Variants in DNAH5 observed in about 807,000 individuals in gnomAD.
DNAH5 encodes axonemal beta dynein heavy chain 5.
DNAH5 carries 372 observed loss-of-function variants against 518.2 expected under a neutral mutation model. The observed-to-expected ratio is 0.72, with a 90% CI of 0.66 to 0.78. DNAH5 has a LOEUF of 0.78. Among genes scored for constraint, DNAH5 ranks in the 30% least tolerant of loss-of-function variants. The pLI is 0.00. For missense variants in DNAH5, 5,523 were observed against 5,687.0 expected (o/e 0.97, Z 0.93); for synonymous variants, 2,039 against 2,025.9 (o/e 1.01, Z -0.17).
At chr5:13,805,216 T>C (rs1759396191) in intron 47 of DNAH5, among the ~76,000 whole-genome samples, 1 of 152,158 alleles carries the variant, frequency 6.6e-6, no homozygotes, top group Non-Finnish European at 1.5e-5. Context: ...CTTAAAGATC[T>C]TGGCTGGGCA....
At chr5:13,923,837 A>C (rs376590048) in intron 3 of DNAH5, among the ~76,000 whole-genome samples, 4 of 152,230 alleles carry the variant, frequency 2.6e-5, no homozygotes, top group South Asian at 2.1e-4. Flanking sequence ...TGAGGTCAGG[A>C]GTTCGAGACC....
chr5:13,926,120 G>A (rs1241418835), intron 3 of DNAH5, among the ~76,000 whole-genome samples: 1 of 152,196 alleles, frequency 6.6e-6, no homozygotes, highest in Non-Finnish European at 1.5e-5. Flanking sequence ...GGAGGGCAGG[G>A]ACCTAGGAAC....
At chr5:13,995,342 T>C (rs2152077911) in intron 1 of DNAH5, among the ~76,000 whole-genome samples, 1 of 152,274 alleles carries the variant, frequency 6.6e-6, no homozygotes, top group African/African-American at 2.4e-5. Context: ...GCAAAGTTAA[T>C]CTTTAGCTCT....
chr5:13,850,939 G>T, intron 30 of DNAH5, 124 bp from the exon 31 acceptor site: 9 of 914,576 alleles, frequency 9.8e-6, no homozygotes, highest in South Asian at 9.2e-5. Flanking sequence ...AGCAATATAT[G>T]CCTAATGTCA....
At chr5:13,993,424 C>T (rs1176496459) in intron 1 of DNAH5, among the ~76,000 whole-genome samples, 1 of 152,028 alleles carries the variant, frequency 6.6e-6, no homozygotes. Context: ...GACCCAATAC[C>T]CAAAGATTCT....
rs142155986 is a variant in DNAH5, at chr5:13,841,763, G to A, written c.5413C>T (p.Arg1805Cys). ...TCTTGAATATTTGCGGCTGCCTGGC[G>A]AATCACAAGATGCAATGAGGACTGA... Reference protein sequence around the residue: ...ESQSSLHLVIRQAAANIQETG... With the variant: ...ESQSSLHLVICQAAANIQETG... Residue 1805 changes from arginine to cysteine, a missense_variant, in exon 33 of 79, where the codon CGC becomes TGC. By Grantham distance (180) the Arg-to-Cys change is radical. Coordinates refer to ENST00000265104, the MANE Select transcript of DNAH5 (RefSeq NM_001369.3). 265 of 1,613,878 alleles carry A rather than the reference G, an allele frequency of 1.6e-4. No homozygotes were observed. The Middle Eastern group carries it at 1.6e-3, about 10-fold the overall frequency.
rs1774630422 is a variant in DNAH5, at chr5:13,901,554, C to T, written c.1750G>A (p.Gly584Ser). 2.5e-6 allele frequency: 4 copies of T among 1,611,854 alleles called. No homozygotes were observed. The East Asian group carries it at 8.9e-5, about 36-fold the overall frequency. ...ATAAGTTGATATTTGTCATCAATAC[C>T]AAGATTAGGTATATTCAATCTGATT... Reference protein sequence around the residue: ...KFERLNIPNLGIDDKYQLILE... With the variant: ...KFERLNIPNLSIDDKYQLILE... The change falls in exon 14 of 79, where the codon GGT becomes AGT. Residue 584 changes from glycine to serine, a missense_variant. Gly to Ser is a moderately conservative substitution (Grantham distance 56). This residue lies in a region of DNAH5 where 5,121 missense variants were observed against 5,223.3 expected (regional missense o/e 0.98). Coordinates refer to ENST00000265104, the MANE Select transcript of DNAH5 (RefSeq NM_001369.3).
chr5:13,930,429 A>T (rs950336351), intron 2 of DNAH5, among the ~76,000 whole-genome samples: 3 of 152,184 alleles, frequency 2.0e-5, no homozygotes, highest in African/African-American at 4.8e-5. Context: ...ACTGAAAAGA[A>T]TTCCCAACGG....
chr5:13,789,465 T>TAGCAAGAATAACAAATGTATGTA (rs1282923858), intron 50 of DNAH5, among the ~76,000 whole-genome samples: 1 of 152,222 alleles, frequency 6.6e-6, no homozygotes, highest in African/African-American at 2.4e-5. Flanking sequence ...CCTGTTTATA[T>TAGCAAGAATAACAAATGTATGTA]AGCAAGAATA....
At chr5:13,964,479 G>T (rs11133773) in intron 1 of DNAH5, among the ~76,000 whole-genome samples, 1 of 152,022 alleles carries the variant, frequency 6.6e-6, no homozygotes, top group Non-Finnish European at 1.5e-5. Flanking sequence ...AAACTAGATG[G>T]GAACCAAGAG....
chr5:13,760,853 T>C (rs1751671875), intron 60 of DNAH5, among the ~76,000 whole-genome samples: 1 of 152,202 alleles, frequency 6.6e-6, no homozygotes, highest in South Asian at 2.1e-4. Flanking sequence ...AATTTCTTAA[T>C]ATATTCAACA....
At chr5:13,727,754 TATGTGTAA>T in intron 69 of DNAH5, 98 bp from the exon 70 acceptor site, 1 of 1,291,380 alleles carries the variant, frequency 7.7e-7, no homozygotes, top group Non-Finnish European at 1.1e-6. Context: ...CCTCTCCAGA[TATGTGTAA>T]ATTATATTCC....
upstream of DNAH5, among the ~76,000 whole-genome samples, chr5:13,947,060 C>A (rs1779984791): frequency 6.6e-6 from 1 of 152,134 alleles, no homozygotes; most frequent in Non-Finnish European, 1.5e-5. Flanking sequence ...GAAAAATGTA[C>A]ATTTCATAAT....
In DNAH5 at chr5:13,882,973, G is replaced by C; in HGVS notation, c.3105C>G (p.Asn1035Lys). The change falls in exon 20 of 79, where the codon AAC becomes AAG. Residue 1035 changes from asparagine to lysine, a missense_variant. By Grantham distance (94) the Asn-to-Lys change is moderately conservative. Around this residue, in one of 3 missense-constraint regions of DNAH5, gnomAD observed 5,121 missense variants for 5,223.3 expected, o/e 0.98. Coordinates refer to ENST00000265104, the MANE Select transcript of DNAH5 (RefSeq NM_001369.3). ...CACTGATGATGCACTCCACGGCTTT[G>C]TTCAGGGTCTGCTGTACATCTTCCA... ...PALEDVQQTL[N>K]KAVECIISVP... The C allele has an allele frequency of 6.2e-7, 1 of 1,614,152 alleles. No individual in the cohort carries two copies. Among genetic ancestry groups the C allele is most frequent in the Non-Finnish European group, 8.5e-7 (1 of 1,180,020 alleles).
chr5:13,995,013 C>G (rs1450254159), intron 1 of DNAH5, among the ~76,000 whole-genome samples: 4 of 152,122 alleles, frequency 2.6e-5, no homozygotes, highest in African/African-American at 9.7e-5. Context: ...CAGACAGGAC[C>G]TGGGGTGGCT....
Position 13,870,966 on chromosome 5 carries a change from G to A in DNAH5, c.3635C>T (p.Ala1212Val). ...GTGGCGTCCAATGACAACCATCCAGGCCTTTGTCTCAGCAGTCAGGGCGAA... is the reference window on the plus strand; with the variant it reads ...GTGGCGTCCAATGACAACCATCCAGACCTTTGTCTCAGCAGTCAGGGCGAA... ...LKFALTAETK[A>V]WMVVIGRHCN... Residue 1212 changes from alanine to valine, a missense_variant, in exon 24 of 79, where the codon GCC (alanine) becomes GTC (valine). Coordinates refer to ENST00000265104, the MANE Select transcript of DNAH5 (RefSeq NM_001369.3). The A allele has an allele frequency of 6.2e-7, 1 of 1,613,636 alleles. No homozygotes were observed. The highest frequency in any genetic ancestry group is 8.5e-7 in the Non-Finnish European group (1 of 1,179,778).
chr5:13,728,214 G>A (rs1174082582), intron 69 of DNAH5, among the ~76,000 whole-genome samples: 1 of 152,116 alleles, frequency 6.6e-6, no homozygotes, highest in Non-Finnish European at 1.5e-5. Context: ...AGGCAACTGG[G>A]AAAGAGTAAA....
chr5:13,845,067 T>C (rs1765787768), intron 31 of DNAH5, 74 bp from the exon 32 acceptor site: 1 of 1,421,576 alleles, frequency 7.0e-7, no homozygotes, highest in East Asian at 2.3e-5. Context: ...TTAACCTGGA[T>C]GGGAAAAGGG....
At chr5:13,914,059 C>G in intron 10 of DNAH5, 101 bp from the exon 11 acceptor site, 2 of 1,420,534 alleles carry the variant, frequency 1.4e-6, no homozygotes, top group Non-Finnish European at 1.9e-6. Context: ...GAATTGTAAG[C>G]CTTTTCATAG....
Sources: allele counts gnomAD v4.1 joint callset (sites outside exome capture counted in the v4.1 genomes callset), GRCh38; gene constraint gnomAD v4.1.1; regional missense constraint gnomAD v4.1.1; transcripts MANE v1.5; gene names NCBI Gene and HGNC (gene_info 2026-07-23, HGNC 2026-07-21).